The following IL6 variants were observed in gnomAD, a reference collection of about 807,000 sequenced individuals.
The protein encoded by IL6 is interleukin 6.
IL6 carries 5 observed loss-of-function variants against 18.0 expected under a neutral mutation model. That is an observed-to-expected ratio of 0.28 (90% CI 0.15 to 0.58). The LOEUF (loss-of-function observed/expected upper bound fraction) is 0.58, where lower values mean the gene tolerates loss of function less well. Ranked by LOEUF, IL6 falls within the 20% of genes least tolerant of loss-of-function variation. IL6 has a pLI of 0.90. For synonymous variants in IL6, 97 were observed against 95.1 expected, an observed-to-expected ratio of 1.02 and a Z score of -0.12; for missense variants, 266 against 251.0, an observed-to-expected ratio of 1.06 and a Z score of -0.40.
intron 4 of IL6, among the ~76,000 whole-genome samples, chr7:22,730,530 G>A (rs2069845): frequency 0.62 from 94,478 of 151,910 alleles, 30,229 homozygotes; most frequent in East Asian, 0.99. Context: ...TTACACCACC[G>A]GATCAGTGGT....
chr7:22,729,500 A>G lies in IL6; in HGVS notation c.325-14A>G, dbSNP rs1302077115. The G allele has an allele frequency of 6.2e-7, 1 of 1,606,516 alleles. No homozygotes were observed. Among genetic ancestry groups the G allele is most frequent in the East Asian group, 2.2e-5 (1 of 44,708 alleles). ...CCTGGCGATAACCAATTTTCCCACC[A>G]TCTTTCCTCTTAGGAGACTTGCCTG... On this transcript the variant is annotated splice_polypyrimidine_tract_variant and intron_variant, in intron 3 of 4. Transcript: ENST00000258743.
chr7:22,727,417 C>A, intron 1 of IL6, 27 bp from the exon 2 acceptor site: 1 of 1,613,522 alleles, frequency 6.2e-7, no homozygotes, highest in Non-Finnish European at 8.5e-7. Flanking sequence ...GTCAGCTCAC[C>A]CCTGCGCTCG....
chr7:22,729,508 T>A lies in IL6; in HGVS notation c.325-6T>A, dbSNP rs1415093081. The A allele has an allele frequency of 1.9e-6, 3 of 1,612,034 alleles. No individual in the cohort carries two copies. The highest frequency in any genetic ancestry group is 2.5e-6 in the Non-Finnish European group (3 of 1,178,482). ...TAACCAATTTTCCCACCATCTTTCC[T>A]CTTAGGAGACTTGCCTGGTGAAAAT... On this transcript the variant is annotated splice_region_variant and splice_polypyrimidine_tract_variant and intron_variant, in intron 3 of 4. Transcript: ENST00000258743.
intron 4 of IL6, 168 bp downstream of exon 4, chr7:22,729,828 G>A: frequency 6.6e-7 from 1 of 1,512,314 alleles, no homozygotes; most frequent in African/African-American, 1.4e-5. Context: ...TTTTTTGTTT[G>A]TTTGGTTGGT....
intron 4 of IL6, chr7:22,730,204 T>C (rs1169198937): frequency 2.9e-5 from 29 of 985,274 alleles, no homozygotes; most frequent in Non-Finnish European, 3.5e-5. Context: ...GTAGACTTGC[T>C]GGCTAGCATG....
intron 4 of IL6, among the ~76,000 whole-genome samples, chr7:22,730,951 T>C (rs1215006606): frequency 2.0e-5 from 3 of 152,098 alleles, no homozygotes; most frequent in African/African-American, 7.2e-5. Context: ...TAGAAGTTGG[T>C]TGCTGTGAGC....
Position 22,731,633 on chromosome 7 carries a change from C to A in IL6, c.*60C>A, listed in dbSNP as rs1022689231. 2.3e-6 allele frequency: 3 copies of A among 1,321,448 alleles called. No individual in the cohort carries two copies. Among genetic ancestry groups the A allele is most frequent in the Non-Finnish European group, 2.1e-6 (2 of 966,778 alleles). The allele number at this position is 1,321,448 out of a possible 1,614,324, so 81.9% of individuals were successfully genotyped here. On this transcript the variant is annotated 3_prime_UTR_variant, in exon 5 of 5. Coordinates refer to ENST00000258743, the MANE Select transcript of IL6 (RefSeq NM_000600.5). Reference sequence around the variant, plus strand: ...TTCCTTCTTCTGGTCAGAAACCTGTCCACTGGGCACAGAACTTATGTTGTT... The same window carrying A: ...TTCCTTCTTCTGGTCAGAAACCTGTACACTGGGCACAGAACTTATGTTGTT...
chr7:22,728,466 G>A (rs890481324), intron 2 of IL6: 6 of 501,128 alleles, frequency 1.2e-5, no homozygotes, highest in African/African-American at 9.5e-5. Flanking sequence ...TGGAGATAAG[G>A]AAACTGAGAC....
intron 2 of IL6, 35 bp downstream of exon 2, chr7:22,727,669 G>C (rs1488679902): frequency 6.6e-7 from 1 of 1,522,792 alleles, no homozygotes; most frequent in Non-Finnish European, 8.8e-7. Context: ...GAAGGGCCCG[G>C]TGCGCATGCG....
At chr7:22,727,844 G>A (rs997239493) in intron 2 of IL6, among the ~76,000 whole-genome samples, 19 of 152,172 alleles carry the variant, frequency 1.2e-4, no homozygotes, top group Non-Finnish European at 1.5e-5. Context: ...AATGCAGAAT[G>A]GGTCTGAAAT....
chr7:22,727,399 G>C (rs748751521), intron 1 of IL6, 45 bp from the exon 2 acceptor site: 1 of 1,613,302 alleles, frequency 6.2e-7, no homozygotes, highest in African/African-American at 1.3e-5. Context: ...CAGGCTCCCA[G>C]CTGTGCTGTC....
chr7:22,727,717 A>T, intron 2 of IL6, 83 bp downstream of exon 2: 1 of 1,459,760 alleles, frequency 6.9e-7, no homozygotes, highest in Non-Finnish European at 9.2e-7. Flanking sequence ...GGCTGCCTGC[A>T]TTAGGAGGTC....
At position 22,727,452 on chromosome 7, in the gene IL6, G is replaced by C. The variant is rs937615940; in HGVS notation, c.28G>C (p.Gly10Arg). Residue 10 changes from glycine to arginine, a missense_variant, in exon 2 of 5, where the codon GGT (glycine) becomes CGT (arginine). Gly to Arg is a moderately radical substitution (Grantham distance 125). Coordinates refer to ENST00000258743, the MANE Select transcript of IL6 (RefSeq NM_000600.5). Reference protein sequence around the residue: MNSFSTSAFGPVAFSLGLLL... With the variant: MNSFSTSAFRPVAFSLGLLL... ...GCTCCCCTCCGGCACAGGCGCCTTCGGTCCAGTTGCCTTCTCCCTGGGGCT... is the reference window on the plus strand; with the variant it reads ...GCTCCCCTCCGGCACAGGCGCCTTCCGTCCAGTTGCCTTCTCCCTGGGGCT... 6.2e-7 allele frequency: 1 copy of C among 1,613,930 alleles called. No homozygotes were observed.
At chr7:22,727,348 G>A (rs747908591) in intron 1 of IL6, 67 bp downstream of exon 1, 1 of 1,613,892 alleles carries the variant, frequency 6.2e-7, no homozygotes, top group Admixed American at 1.7e-5. Context: ...AGGGAGGGGT[G>A]TGTGGCCCAG....
intron 2 of IL6, among the ~76,000 whole-genome samples, chr7:22,728,032 G>A (rs1784048787): frequency 6.6e-6 from 1 of 152,174 alleles, no homozygotes; most frequent in Non-Finnish European, 1.5e-5. Context: ...TTTTGGTTAT[G>A]TAAACTCAAT....
chr7:22,727,675 A>G, intron 2 of IL6, 41 bp downstream of exon 2: 1 of 1,521,970 alleles, frequency 6.6e-7, no homozygotes. Flanking sequence ...CCCGGTGCGC[A>G]TGCGTTCCCC....
In IL6 at chr7:22,731,480, G is replaced by A; in HGVS notation, c.546G>A (p.Gln182=). 6.2e-7 allele frequency: 1 copy of A among 1,609,164 alleles called. No individual in the cohort carries two copies. The highest frequency in any genetic ancestry group is 8.5e-7 in the Non-Finnish European group (1 of 1,176,394). Residue 182 remains glutamine, a synonymous_variant, in exon 5 of 5, where the codon CAG becomes CAA. Coordinates refer to ENST00000258743, the MANE Select transcript of IL6 (RefSeq NM_000600.5). ...NASLLTKLQA[Q]NQWLQDMTTH... is the part of the protein sequence containing the mutation. ...GCCTGCTGACGAAGCTGCAGGCACA[G>A]AACCAGTGGCTGCAGGACATGACAA...
chr7:22,731,302 CCACATTT>C, intron 4 of IL6, 97 bp from the exon 5 acceptor site: 1 of 870,586 alleles, frequency 1.1e-6, no homozygotes, highest in East Asian at 2.8e-5. Context: ...CTCATTCACC[CCACATTT>C]CACATTTGAA....
chr7:22,727,655 G>T, intron 2 of IL6, 21 bp downstream of exon 2: 1 of 1,530,856 alleles, frequency 6.5e-7, no homozygotes, highest in Non-Finnish European at 8.8e-7. Context: ...TTGGCGATGG[G>T]GTTGAAGGGC....
Sources: allele counts gnomAD v4.1 joint callset (sites outside exome capture counted in the v4.1 genomes callset), GRCh38; gene constraint gnomAD v4.1.1; transcripts MANE v1.5; gene names NCBI Gene and HGNC (gene_info 2026-07-23, HGNC 2026-07-21).